The following CNTNAP2 variants were observed in gnomAD, a reference collection of about 807,000 sequenced individuals.
CNTNAP2 encodes contactin associated protein 2.
Under a neutral mutation model 155.2 loss-of-function variants are expected in CNTNAP2, and 98 were observed. That is an observed-to-expected ratio of 0.63 (90% CI 0.54 to 0.75). CNTNAP2 has a LOEUF of 0.75. CNTNAP2 is among the 30% of genes least tolerant of loss of function. The probability of loss-of-function intolerance (pLI) is 0.00; values close to 1 mark genes in which losing one functional copy is unlikely to be tolerated. For synonymous variants in CNTNAP2, 651 were observed against 631.2 expected, an observed-to-expected ratio of 1.03 and a Z score of -0.47; for missense variants, 1,727 against 1,688.1, an observed-to-expected ratio of 1.02 and a Z score of -0.40.
intron 1 of CNTNAP2, among the ~76,000 whole-genome samples, chr7:146,672,991 G>T (rs988801517): frequency 6.6e-6 from 1 of 151,986 alleles, no homozygotes; most frequent in Admixed American, 6.5e-5. Context: ...ACTACCTACT[G>T]CTCAGCAATT....
intron 10 of CNTNAP2, among the ~76,000 whole-genome samples, chr7:147,483,262 T>C (rs1490819271): frequency 6.6e-6 from 1 of 151,932 alleles, no homozygotes; most frequent in Non-Finnish European, 1.5e-5. Flanking sequence ...AATCTAGAGA[T>C]GATTTAAATT....
chr7:148,022,191 A>C (rs1002319631), intron 15 of CNTNAP2, among the ~76,000 whole-genome samples: 4 of 152,246 alleles, frequency 2.6e-5, no homozygotes, highest in Admixed American at 2.6e-4. Flanking sequence ...GGTTTAAAAA[A>C]AAAAATGTGG....
At position 148,089,533 on chromosome 7, in the gene CNTNAP2, G is replaced by T. The variant is rs113850049; in HGVS notation, c.2384-28585G>T. Among the ~76,000 whole-genome samples the T allele has an allele frequency of 8.4e-3, 1,271 of 151,510 alleles. 20 individuals carry two copies. Among genetic ancestry groups the T allele is most frequent in the African/African-American group, 0.03 (1,233 of 41,382 alleles). ...ATGAATTATCCAAAAAGGAAATAAA[G>T]AAAACAATTTCATTTACAATACTAA... is the stretch of plus-strand genomic sequence containing the variant. On this transcript the variant is annotated intron_variant, in intron 15 of 23. Transcript: ENST00000361727.
chr7:147,668,045 C>G (rs371569986), intron 13 of CNTNAP2, among the ~76,000 whole-genome samples: 1 of 152,024 alleles, frequency 6.6e-6, no homozygotes, highest in Non-Finnish European at 1.5e-5. Context: ...ACAACTTGAA[C>G]GTGGGTGTGG....
chr7:147,725,058 A>T (rs532628153), intron 13 of CNTNAP2, among the ~76,000 whole-genome samples: 1 of 151,982 alleles, frequency 6.6e-6, no homozygotes, highest in African/African-American at 2.4e-5. Flanking sequence ...ATGGTGTTGG[A>T]TTGTAGTCCC....
intron 12 of CNTNAP2, among the ~76,000 whole-genome samples, chr7:147,608,912 T>A (rs910629586): frequency 2.6e-5 from 4 of 151,114 alleles, no homozygotes; most frequent in African/African-American, 9.7e-5. Context: ...GGGGCGGGGG[T>A]CAAAAGGTGC....
intron 1 of CNTNAP2, among the ~76,000 whole-genome samples, chr7:146,569,309 G>A (rs1027364985): frequency 3.3e-5 from 5 of 152,138 alleles, no homozygotes; most frequent in South Asian, 4.1e-4. Flanking sequence ...GTGAGCCGCC[G>A]CGCCCGGCCT....
At chr7:148,174,418 CCG>C (rs1491014615) in intron 18 of CNTNAP2, among the ~76,000 whole-genome samples, 74 of 36,416 alleles carry the variant, frequency 2.0e-3, no homozygotes, top group African/African-American at 5.4e-3. Context: ...GTTCCTGTGA[CCG>C]CCCCCCACCT....
chr7:147,267,057 A>G (rs920947086), intron 8 of CNTNAP2, among the ~76,000 whole-genome samples: 2 of 152,206 alleles, frequency 1.3e-5, no homozygotes, highest in Non-Finnish European at 2.9e-5. Context: ...GGGATTTTCT[A>G]TGGCCTCTTG....
chr7:147,626,734 ATG>A (rs1794984736), intron 12 of CNTNAP2, among the ~76,000 whole-genome samples: 1 of 152,200 alleles, frequency 6.6e-6, no homozygotes, highest in Admixed American at 6.5e-5. Context: ...ACAGCAACTC[ATG>A]GTAGAATAAC....
intron 15 of CNTNAP2, among the ~76,000 whole-genome samples, chr7:147,980,933 CAAAAAAAAA>C (rs34927518): frequency 4.3e-5 from 4 of 94,006 alleles, no homozygotes; most frequent in African/African-American, 1.8e-4. Flanking sequence ...TCCATCTTAA[CAAAAAAAAA>C]AAAAAAAAAA....
At chr7:146,156,987 G>A (rs981111674) in intron 1 of CNTNAP2, among the ~76,000 whole-genome samples, 1 of 152,168 alleles carries the variant, frequency 6.6e-6, no homozygotes, top group Admixed American at 6.6e-5. Flanking sequence ...ATCCAGCAAG[G>A]AAATTCAGGC....
At chr7:146,384,526 C>A (rs1795433562) in intron 1 of CNTNAP2, among the ~76,000 whole-genome samples, 1 of 152,036 alleles carries the variant, frequency 6.6e-6, no homozygotes, top group Non-Finnish European at 1.5e-5. Flanking sequence ...CTACCATATC[C>A]TCTGTAAGTA....
chr7:146,119,613 T>C (rs116826089), intron 1 of CNTNAP2, among the ~76,000 whole-genome samples: 129 of 152,256 alleles, frequency 8.5e-4, no homozygotes, highest in African/African-American at 3.0e-3. Flanking sequence ...GTTGCATTTA[T>C]TTGAACATAT....
chr7:147,500,335 A>T (rs1159081720), intron 11 of CNTNAP2, among the ~76,000 whole-genome samples: 1 of 152,132 alleles, frequency 6.6e-6, no homozygotes, highest in Non-Finnish European at 1.5e-5. Context: ...CTGGTCTCTT[A>T]CAAACCATGA....
intron 22 of CNTNAP2, among the ~76,000 whole-genome samples, chr7:148,404,956 CCTCT>C (rs1314567263): frequency 6.6e-6 from 1 of 152,194 alleles, no homozygotes; most frequent in Non-Finnish European, 1.5e-5. Flanking sequence ...CTGCTCTGCT[CCTCT>C]GCCAGTGGAG....
chr7:148,281,547 T>C (rs1796973235), intron 21 of CNTNAP2, among the ~76,000 whole-genome samples: 1 of 152,196 alleles, frequency 6.6e-6, no homozygotes, highest in African/African-American at 2.4e-5. Context: ...CTAAAGAACA[T>C]ATAGCGTAGT....
intron 21 of CNTNAP2, among the ~76,000 whole-genome samples, chr7:148,328,976 GAAAAAAA>G (rs71188969): frequency 0.047 from 3,284 of 69,334 alleles, 190 homozygotes; most frequent in African/African-American, 0.15. Flanking sequence ...ACTCTGTCTG[GAAAAAAA>G]AAAAAAAAAA....
intron 1 of CNTNAP2, among the ~76,000 whole-genome samples, chr7:146,773,927 A>C (rs1448771007): frequency 2.0e-5 from 3 of 152,142 alleles, no homozygotes; most frequent in Non-Finnish European, 4.4e-5. Context: ...CTGTTCCTAT[A>C]ATGTATAAAT....
Sources: gnomAD v4.1 joint callset for allele counts (sites outside exome capture counted in the v4.1 genomes callset) on GRCh38, gnomAD v4.1.1 for gene constraint, MANE v1.5 for transcripts, NCBI Gene and HGNC (gene_info 2026-07-23, HGNC 2026-07-21) for gene names.